The following DIP2C variants were observed in gnomAD, a reference collection of about 807,000 sequenced individuals.
DIP2C encodes disco-interacting protein 2 homolog C.
A neutral mutation model predicts 192.4 loss-of-function variants in DIP2C; 33 were observed. That is an observed-to-expected ratio of 0.17 (90% CI 0.13 to 0.23). The LOEUF (loss-of-function observed/expected upper bound fraction) is 0.23, where lower values mean the gene tolerates loss of function less well. Ranked by LOEUF, DIP2C falls within the 10% of genes least tolerant of loss-of-function variation. The pLI is 1.00. For synonymous variants in DIP2C, 979 were observed against 864.1 expected, an observed-to-expected ratio of 1.13 and a Z score of -2.33; for missense variants, 1,537 against 2,110.1, an observed-to-expected ratio of 0.73 and a Z score of 5.32.
intron 2 of DIP2C, chr10:485,028 G>A (rs998204422): frequency 3.4e-6 from 5 of 1,469,760 alleles, no homozygotes; most frequent in South Asian, 1.3e-5. Context: ...CAGAGCTGCC[G>A]ACCCCATGCA....
chr10:286,516 TCACAA>T (rs1955141940), intron 33 of DIP2C, among the ~76,000 whole-genome samples, 169 bp from the exon 34 acceptor site: 1 of 151,176 alleles, frequency 6.6e-6, no homozygotes, highest in African/African-American at 2.5e-5. Flanking sequence ...AACCACAGCC[TCACAA>T]TCACAGCCTC....
Position 364,555 on chromosome 10 carries a change from G to A in DIP2C, c.2296C>T (p.Pro766Ser), listed in dbSNP as rs1220876021. ...CTTATGAATGGGTATTCACTGATCG[G>A]AGCCCCGGAGCTTGTCATGGGAAAC... The part of the protein sequence containing the change: ...EVFPMTSSGA[P>S]ISEYPFIRTG... Residue 766 changes from proline to serine, a missense_variant, in exon 20 of 37, where the codon CCG becomes TCG. Pro to Ser is a moderately conservative substitution (Grantham distance 74). Coordinates refer to ENST00000280886, the MANE Select transcript of DIP2C (RefSeq NM_014974.3). The A allele has an allele frequency of 1.2e-6, 2 of 1,614,054 alleles. No homozygotes were observed. The highest frequency in any genetic ancestry group is 1.1e-5 in the South Asian group (1 of 91,076).
chr10:597,347 GACAC>G (rs377473164), intron 1 of DIP2C, among the ~76,000 whole-genome samples: 20 of 152,098 alleles, frequency 1.3e-4, no homozygotes, highest in African/African-American at 4.3e-4. Flanking sequence ...CCTCCCCCTG[GACAC>G]ACACACACCG....
intron 7 of DIP2C, among the ~76,000 whole-genome samples, chr10:414,987 C>T (rs907852361): frequency 1.3e-5 from 2 of 148,942 alleles, no homozygotes; most frequent in Admixed American, 1.4e-4. Context: ...AGTGATCTGC[C>T]TACTTTGACC....
At chr10:579,090 A>G (rs865834400) in intron 1 of DIP2C, among the ~76,000 whole-genome samples, 1 of 152,192 alleles carries the variant, frequency 6.6e-6, no homozygotes, top group African/African-American at 2.4e-5. Flanking sequence ...GCATACACAC[A>G]TGCAGATCCA....
At chr10:411,805 G>A (rs866717402) in intron 8 of DIP2C, among the ~76,000 whole-genome samples, 4 of 152,304 alleles carry the variant, frequency 2.6e-5, no homozygotes, top group South Asian at 2.1e-4. Flanking sequence ...CCAGTCATGC[G>A]TTCATCTACG....
At chr10:289,295 G>A (rs1331862690) in intron 32 of DIP2C, among the ~76,000 whole-genome samples, 1 of 151,704 alleles carries the variant, frequency 6.6e-6, no homozygotes, top group Non-Finnish European at 1.5e-5. Context: ...AAAGAGACAG[G>A]GTCTCGCTCT....
chr10:596,942 G>A (rs146539838), intron 1 of DIP2C, among the ~76,000 whole-genome samples: 1 of 152,266 alleles, frequency 6.6e-6, no homozygotes, highest in Non-Finnish European at 1.5e-5. Context: ...GGCCACACGT[G>A]GCATTGGTTT....
chr10:334,489 C>A (rs1210968367), intron 29 of DIP2C, among the ~76,000 whole-genome samples: 1 of 151,870 alleles, frequency 6.6e-6, no homozygotes, highest in Non-Finnish European at 1.5e-5. Context: ...ATGTAGTATA[C>A]CTTTGATGAA....
intron 1 of DIP2C, chr10:650,570 G>C: frequency 1.6e-6 from 1 of 634,256 alleles, no homozygotes; most frequent in Non-Finnish European, 2.9e-6. Context: ...GCAGAGCCAG[G>C]AGGGACGTGG....
intron 29 of DIP2C, among the ~76,000 whole-genome samples, chr10:340,136 G>C (rs1286345388): frequency 1.3e-5 from 2 of 151,570 alleles, no homozygotes; most frequent in Non-Finnish European, 2.9e-5. Context: ...AGCTGAGATT[G>C]TGGCACTGCA....
At chr10:451,903 TAC>T (rs969968522) in intron 3 of DIP2C, among the ~76,000 whole-genome samples, 1 of 151,330 alleles carries the variant, frequency 6.6e-6, no homozygotes, top group African/African-American at 2.5e-5. Flanking sequence ...GTTTGCACCA[TAC>T]ACAAGTCTGC....
At chr10:646,924 C>A (rs1461303224) in intron 1 of DIP2C, among the ~76,000 whole-genome samples, 2 of 152,252 alleles carry the variant, frequency 1.3e-5, no homozygotes, top group Non-Finnish European at 2.9e-5. Context: ...AGGTTAAAAA[C>A]AACTGCCTTC....
intron 1 of DIP2C, among the ~76,000 whole-genome samples, chr10:603,379 T>C (rs1158433232): frequency 1.4e-5 from 2 of 146,314 alleles, no homozygotes; most frequent in Non-Finnish European, 3.0e-5. Flanking sequence ...GTGGGCAGAT[T>C]CTATACCCCA....
intron 2 of DIP2C, among the ~76,000 whole-genome samples, chr10:484,553 G>A (rs1843854641): frequency 1.3e-5 from 2 of 152,194 alleles, no homozygotes; most frequent in Admixed American, 6.5e-5. Flanking sequence ...AATTGTAAAA[G>A]CAACGTTCTA....
chr10:610,984 G>A (rs985577200), intron 1 of DIP2C, among the ~76,000 whole-genome samples: 4 of 149,404 alleles, frequency 2.7e-5, no homozygotes, highest in African/African-American at 7.5e-5. Flanking sequence ...TGACTCACGG[G>A]GGTGCTTTCT....
chr10:426,641 CAGA>C (rs1169976034), intron 4 of DIP2C, among the ~76,000 whole-genome samples: 2 of 152,144 alleles, frequency 1.3e-5, no homozygotes, highest in Non-Finnish European at 2.9e-5. Context: ...GTAGTATTAG[CAGA>C]AGAATAGATG....
At chr10:435,788 G>A (rs1967130571) in intron 4 of DIP2C, among the ~76,000 whole-genome samples, 1 of 152,078 alleles carries the variant, frequency 6.6e-6, no homozygotes, top group Non-Finnish European at 1.5e-5. Flanking sequence ...TCTGGCTCAA[G>A]TATTAAAATA....
intron 32 of DIP2C, among the ~76,000 whole-genome samples, chr10:303,160 T>C (rs990908102): frequency 1.3e-5 from 2 of 152,164 alleles, no homozygotes; most frequent in African/African-American, 4.8e-5. Context: ...CACGTGGCGG[T>C]AGATTCTTAA....
Sources: allele counts gnomAD v4.1 joint callset (sites outside exome capture counted in the v4.1 genomes callset), GRCh38; gene constraint gnomAD v4.1.1; transcripts MANE v1.5; gene names NCBI Gene and HGNC (gene_info 2026-07-23, HGNC 2026-07-21).